The following FMN2 variants were observed in gnomAD, a reference collection of about 807,000 sequenced individuals.
FMN2 encodes formin 2, also known as formin-2.
A neutral mutation model predicts 142.3 loss-of-function variants in FMN2; 51 were observed. The ratio of observed to expected loss-of-function variants is 0.36; its 90% CI spans 0.29 to 0.45. FMN2 has a LOEUF of 0.45. Ranked by LOEUF, FMN2 falls within the 20% of genes least tolerant of loss-of-function variation. FMN2 has a pLI of 1.00. For missense variants in FMN2, 1,936 were observed against 2,122.8 expected, an observed-to-expected ratio of 0.91 and a Z score of 1.73; for synonymous variants, 882 against 869.8, an observed-to-expected ratio of 1.01 and a Z score of -0.25.
intron 14 of FMN2, among the ~76,000 whole-genome samples, chr1:240,367,419 TC>T (rs1277829073): frequency 6.6e-6 from 1 of 152,182 alleles, no homozygotes; most frequent in Non-Finnish European, 1.5e-5. Flanking sequence ...GTTCTTTATT[TC>T]TATGTAGTGA....
At chr1:240,397,877 C>A (rs1164503468) in intron 15 of FMN2, among the ~76,000 whole-genome samples, 1 of 150,556 alleles carries the variant, frequency 6.6e-6, no homozygotes, top group Non-Finnish European at 1.5e-5. Flanking sequence ...AAAATGGGCA[C>A]TATGACCTGG....
At position 240,432,552 on chromosome 1, in the gene FMN2, C is replaced by T. The variant is rs186093881; in HGVS notation, c.4911-5509C>T. On this transcript the variant is annotated intron_variant, in intron 15 of 17. Coordinates refer to ENST00000319653, the MANE Select transcript of FMN2 (RefSeq NM_020066.5). ...TCTACTAAGTTGGGTTTAATTTGCT[C>T]CTTTACAGTTTCTTGAGTTTGATGT... is the stretch of plus-strand genomic sequence containing the variant. Among the ~76,000 whole-genome samples the T allele has an allele frequency of 1.4e-3, 211 of 151,526 alleles. 1 individual carries two copies. In the Middle Eastern group the frequency reaches 0.017, roughly 12 times the overall value.
At chr1:240,324,618 A>G (rs1434275638) in intron 8 of FMN2, among the ~76,000 whole-genome samples, 5 of 149,658 alleles carry the variant, frequency 3.3e-5, no homozygotes, top group Non-Finnish European at 7.4e-5. Context: ...CCGAGATCAT[A>G]TCACTGCACT....
At chr1:240,140,749 A>G (rs1663147443) in intron 2 of FMN2, among the ~76,000 whole-genome samples, 1 of 152,216 alleles carries the variant, frequency 6.6e-6, no homozygotes, top group South Asian at 2.1e-4. Flanking sequence ...CTATCCCAGG[A>G]TATGGGAAGA....
At position 240,369,176 on chromosome 1, in the gene FMN2, C is replaced by A. The variant is rs533544669; in HGVS notation, c.4858+13268C>A. Among the ~76,000 whole-genome samples the A allele has an allele frequency of 3.9e-5, 6 of 152,194 alleles. No individual in the cohort carries two copies. The South Asian group carries it at 1.2e-3, about 32-fold the overall frequency. On this transcript the variant is annotated intron_variant, in intron 14 of 17. Coordinates refer to ENST00000319653, the MANE Select transcript of FMN2 (RefSeq NM_020066.5). ...CTCCTGCCTTTTCTACTCTTTGTTT[C>A]TAGGCATGCAAGTTTTTTGGTTTTG... is the stretch of plus-strand genomic sequence containing the variant.
chr1:240,455,481 G>C (rs1437131920), intron 16 of FMN2, among the ~76,000 whole-genome samples: 2 of 152,162 alleles, frequency 1.3e-5, no homozygotes, highest in East Asian at 3.9e-4. Context: ...AAGTGCAAAA[G>C]TCCCAACGCA....
intron 1 of FMN2, among the ~76,000 whole-genome samples, chr1:240,113,338 C>T (rs916675725): frequency 3.3e-5 from 5 of 151,854 alleles, no homozygotes; most frequent in Non-Finnish European, 4.4e-5. Flanking sequence ...CCGAGGTGGG[C>T]GGATTGCCTG....
At chr1:240,161,116 ATT>A (rs1664257173) in intron 2 of FMN2, among the ~76,000 whole-genome samples, 1 of 151,944 alleles carries the variant, frequency 6.6e-6, no homozygotes, top group Admixed American at 6.5e-5. Context: ...ATGGTTTTGA[ATT>A]TTTTTATTTC....
At chr1:240,243,649 A>G (rs1029873945) in intron 6 of FMN2, among the ~76,000 whole-genome samples, 2 of 152,168 alleles carry the variant, frequency 1.3e-5, no homozygotes, top group African/African-American at 4.8e-5. Flanking sequence ...TACTTTACCG[A>G]ATTTGTTTAT....
intron 16 of FMN2, among the ~76,000 whole-genome samples, chr1:240,440,266 T>C (rs1324992756): frequency 1.3e-5 from 2 of 152,200 alleles, no homozygotes; most frequent in African/African-American, 4.8e-5. Flanking sequence ...AATGTTGAGA[T>C]GGACTAATTC....
intron 14 of FMN2, among the ~76,000 whole-genome samples, chr1:240,379,044 G>A (rs1673142367): frequency 6.6e-6 from 1 of 152,196 alleles, no homozygotes; most frequent in South Asian, 2.1e-4. Context: ...GTTGTTGGGT[G>A]TGTAGGTTTT....
chr1:240,245,938 G>T (rs1019206788), intron 6 of FMN2, among the ~76,000 whole-genome samples: 31 of 151,084 alleles, frequency 2.1e-4, no homozygotes, highest in Admixed American at 6.6e-5. Context: ...CCAGGCACTT[G>T]GGGAGGCCGT....
At position 240,402,404 on chromosome 1, in the gene FMN2, C is replaced by T. The variant is rs906645393; in HGVS notation, c.4910+9842C>T. Among the ~76,000 whole-genome samples, 16 of 152,300 alleles carry T rather than the reference C, an allele frequency of 1.1e-4. No homozygotes were observed. The East Asian group carries it at 1.2e-3, about 11-fold the overall frequency. On this transcript the variant is annotated intron_variant, in intron 15 of 17. Transcript: ENST00000319653. ...CACATGAGCAAAACTGTATAGCTTT[C>T]GAATAAATGGTTTAACTGAACTCTG... is the stretch of plus-strand genomic sequence containing the variant.
At chr1:240,259,789 G>T (rs1668568237) in intron 7 of FMN2, among the ~76,000 whole-genome samples, 1 of 152,126 alleles carries the variant, frequency 6.6e-6, no homozygotes, top group African/African-American at 2.4e-5. Flanking sequence ...TGGGGAACAG[G>T]TGGTATTTGG....
chr1:240,325,290 C>CTGAGATCG (rs1193933470), intron 8 of FMN2, among the ~76,000 whole-genome samples: 1 of 142,894 alleles, frequency 7.0e-6, no homozygotes, highest in African/African-American at 2.7e-5. Context: ...CTGCAGTAAG[C>CTGAGATCG]TGAGATCGCG....
At chr1:240,149,005 A>G (rs1663648726) in intron 2 of FMN2, among the ~76,000 whole-genome samples, 1 of 152,048 alleles carries the variant, frequency 6.6e-6, no homozygotes, top group Non-Finnish European at 1.5e-5. Context: ...AAAAACTCGT[A>G]TATTAAATGT....
At chr1:240,220,365 G>A (rs749809443) in intron 6 of FMN2, among the ~76,000 whole-genome samples, 83 of 152,132 alleles carry the variant, frequency 5.5e-4, no homozygotes, top group Non-Finnish European at 1.0e-3. Flanking sequence ...CTACAACTAT[G>A]TCTATGGCTA....
At chr1:240,287,941 G>A (rs1418930540) in intron 7 of FMN2, among the ~76,000 whole-genome samples, 1 of 152,148 alleles carries the variant, frequency 6.6e-6, no homozygotes, top group Admixed American at 6.6e-5. Flanking sequence ...GTGGCAATGT[G>A]ACATGACATA....
At chr1:240,287,054 T>G (rs1381823841) in intron 7 of FMN2, among the ~76,000 whole-genome samples, 1 of 152,222 alleles carries the variant, frequency 6.6e-6, no homozygotes, top group Non-Finnish European at 1.5e-5. Context: ...TAACAAATAC[T>G]GTCAGATACA....
Sources: gnomAD v4.1 joint callset for allele counts (sites outside exome capture counted in the v4.1 genomes callset) on GRCh38, gnomAD v4.1.1 for gene constraint, MANE v1.5 for transcripts, NCBI Gene and HGNC (gene_info 2026-07-23, HGNC 2026-07-21) for gene names.